Variants in CNTN1 observed in about 807,000 individuals in gnomAD.
The protein encoded by CNTN1 is contactin 1.
In CNTN1, 38 loss-of-function variants were observed where a neutral mutation model predicts 126.4. The ratio of observed to expected loss-of-function variants is 0.30; its 90% confidence interval spans 0.23 to 0.39. The LOEUF (loss-of-function observed/expected upper bound fraction) is 0.39. Among genes scored for constraint, CNTN1 ranks in the 10% least tolerant of loss-of-function variants. The pLI is 1.00. For synonymous variants in CNTN1, 413 were observed against 422.6 expected (o/e 0.98, Z 0.28); for missense variants, 1,009 against 1,248.4 (o/e 0.81, Z 2.89).
At position 40,701,483 on chromosome 12, in the gene CNTN1, G is replaced by A. The variant is rs1318316262; in HGVS notation, c.-77+8891G>A. The stretch of plus-strand genomic sequence containing the variant: ...TACTAAAAGTACAGATTTGTTAACT[G>A]TAACAGACAAGATGAATATTATAAA... On this transcript the variant is annotated intron_variant, in intron 1 of 23. Coordinates refer to ENST00000551295, the MANE Select transcript of CNTN1 (RefSeq NM_001843.4). Among the ~76,000 whole-genome samples, 3 of 151,944 alleles carry A rather than the reference G, an allele frequency of 2.0e-5. No homozygotes were observed. In the East Asian group the frequency reaches 5.8e-4, roughly 29 times the overall value.
In CNTN1 at chr12:40,832,082, T is replaced by C. The variant is rs184512040; in HGVS notation, c.-76-76275T>C. Among the ~76,000 whole-genome samples the C allele has an allele frequency of 1.8e-4, 27 of 152,276 alleles. No individual in the cohort carries two copies. In the East Asian group the frequency reaches 5.2e-3, roughly 29 times the overall value. On this transcript the variant is annotated intron_variant, in intron 1 of 23. Coordinates refer to ENST00000551295, the MANE Select transcript of CNTN1 (RefSeq NM_001843.4). ...AGAATAAACAAGGTGGGGCAGGTTATTAGGAACTTAGCCACCAGAATAACA... is the reference window on the plus strand; with the variant it reads ...AGAATAAACAAGGTGGGGCAGGTTACTAGGAACTTAGCCACCAGAATAACA...
At chr12:40,719,808 C>A (rs1942146381) in intron 1 of CNTN1, among the ~76,000 whole-genome samples, 1 of 151,906 alleles carries the variant, frequency 6.6e-6, no homozygotes, top group Admixed American at 6.6e-5. Flanking sequence ...TATCTTGGTC[C>A]GAATAGTTCG....
chr12:41,061,466 G>A (rs1406267135), intron 23 of CNTN1, among the ~76,000 whole-genome samples: 1 of 152,152 alleles, frequency 6.6e-6, no homozygotes, highest in African/African-American at 2.4e-5. Context: ...TGCTTGGCAT[G>A]TGGGTTTGGG....
At chr12:40,751,401 CAT>C (rs1391047044) in intron 1 of CNTN1, among the ~76,000 whole-genome samples, 8 of 151,984 alleles carry the variant, frequency 5.3e-5, no homozygotes, top group Admixed American at 3.3e-4. Context: ...TTGTGGAAAA[CAT>C]ATAGACAAAA....
At chr12:40,834,097 A>C (rs1941956431) in intron 1 of CNTN1, among the ~76,000 whole-genome samples, 1 of 152,234 alleles carries the variant, frequency 6.6e-6, no homozygotes, top group African/African-American at 2.4e-5. Flanking sequence ...AGAACAATGA[A>C]CCAAATGCAA....
chr12:40,841,275 G>A (rs1942268527), intron 1 of CNTN1, among the ~76,000 whole-genome samples: 1 of 151,906 alleles, frequency 6.6e-6, no homozygotes, highest in Non-Finnish European at 1.5e-5. Context: ...AGTAGCAAGA[G>A]TGAATCAGTA....
chr12:40,830,807 A>G (rs1241082729), intron 1 of CNTN1, among the ~76,000 whole-genome samples: 46 of 118,054 alleles, frequency 3.9e-4, no homozygotes, highest in African/African-American at 1.0e-3. Flanking sequence ...ATATATATAT[A>G]TATATATATA....
intron 1 of CNTN1, among the ~76,000 whole-genome samples, chr12:40,737,359 G>GTGTGTATATATATATATATA (rs1304140380): frequency 8.8e-6 from 1 of 113,246 alleles, no homozygotes; most frequent in African/African-American, 3.4e-5. Context: ...ATGTGTGTGT[G>GTGTGTATATATATATATATA]TATATATATA....
At chr12:41,044,165 A>T (rs979610474) in intron 23 of CNTN1, among the ~76,000 whole-genome samples, 4 of 151,736 alleles carry the variant, frequency 2.6e-5, no homozygotes, top group Non-Finnish European at 5.9e-5. Flanking sequence ...TAAAATAAAT[A>T]AAAAAATAAA....
chr12:40,949,569 CTTTTTTTTTTTTT>C lies in CNTN1; in HGVS notation c.1683+5413_1683+5425del, dbSNP rs36070275. On this transcript the variant is annotated intron_variant, in intron 14 of 23. Coordinates refer to ENST00000551295, the MANE Select transcript of CNTN1 (RefSeq NM_001843.4). ...TGGGTTTTCTTCTTTTCTTTTCTTT[CTTTTTTTTTTTTT>C]TTTTTTTTTTTTTGAGACGTAGGTT... Among the ~76,000 whole-genome samples the C allele has an allele frequency of 2.4e-3, 153 of 64,360 alleles. 1 individual carries two copies. The highest frequency in any genetic ancestry group is 0.023 in the South Asian group (34 of 1,474). The allele number at this position is 64,360 out of a possible 152,430, so 42.2% of individuals were successfully genotyped here.
chr12:40,918,583 A>T, intron 3 of CNTN1, 56 bp from the exon 4 acceptor site: 1 of 1,513,350 alleles, frequency 6.6e-7, no homozygotes, highest in Non-Finnish European at 9.1e-7. Context: ...AATGTTCTCA[A>T]ATTTTCTTTG....
intron 1 of CNTN1, among the ~76,000 whole-genome samples, chr12:40,767,965 T>A (rs1939183572): frequency 6.7e-6 from 1 of 149,336 alleles, no homozygotes; most frequent in Admixed American, 6.8e-5. Flanking sequence ...GTTGCAATAT[T>A]TTATCAGTTA....
At chr12:40,926,175 A>AGATAGATAGAT (rs1945681860) in intron 6 of CNTN1, among the ~76,000 whole-genome samples, 3 of 127,374 alleles carry the variant, frequency 2.4e-5, no homozygotes, top group African/African-American at 6.0e-5. Context: ...AAATAAGGAT[A>AGATAGATAGAT]GATAGATAGA....
chr12:40,747,692 A>G (rs989263037), intron 1 of CNTN1, among the ~76,000 whole-genome samples: 1 of 152,142 alleles, frequency 6.6e-6, no homozygotes, highest in Non-Finnish European at 1.5e-5. Flanking sequence ...ATATTGTTGT[A>G]AATTAACAGA....
intron 15 of CNTN1, among the ~76,000 whole-genome samples, chr12:40,970,734 G>GTGATC (rs1947479574): frequency 6.6e-6 from 1 of 152,066 alleles, no homozygotes; most frequent in Non-Finnish European, 1.5e-5. Flanking sequence ...TTTGCATGGT[G>GTGATC]TGATCTAAAA....
intron 1 of CNTN1, among the ~76,000 whole-genome samples, chr12:40,891,486 A>G (rs1306295586): frequency 6.6e-6 from 1 of 152,096 alleles, no homozygotes; most frequent in Non-Finnish European, 1.5e-5. Flanking sequence ...ACTTTCTCCT[A>G]GGTTACCTTG....
At chr12:40,835,256 C>T (rs1485963401) in intron 1 of CNTN1, among the ~76,000 whole-genome samples, 1 of 152,138 alleles carries the variant, frequency 6.6e-6, no homozygotes, top group Non-Finnish European at 1.5e-5. Flanking sequence ...TTCATACTTG[C>T]AAGCACTTAG....
At chr12:40,888,743 A>T (rs1178245419) in intron 1 of CNTN1, among the ~76,000 whole-genome samples, 2 of 152,236 alleles carry the variant, frequency 1.3e-5, no homozygotes, top group Non-Finnish European at 2.9e-5. Flanking sequence ...ACTGGGCCTG[A>T]TAGAGAGACT....
intron 1 of CNTN1, among the ~76,000 whole-genome samples, chr12:40,789,285 A>G (rs1940141759): frequency 1.3e-5 from 2 of 152,188 alleles, no homozygotes; most frequent in African/African-American, 4.8e-5. Context: ...TCAGTCAATA[A>G]CACTTAAATT....
Sources: gnomAD v4.1 joint callset for allele counts (sites outside exome capture counted in the v4.1 genomes callset) on GRCh38, gnomAD v4.1.1 for gene constraint, MANE v1.5 for transcripts, NCBI Gene and HGNC (gene_info 2026-07-23, HGNC 2026-07-21) for gene names.